The following TDO2 variants were observed in gnomAD, a reference collection of about 807,000 sequenced individuals.
TDO2 encodes the protein tryptophan 2,3-dioxygenase.
In TDO2, 63 loss-of-function variants were observed where a neutral mutation model predicts 61.2. The observed-to-expected ratio is 1.03, with a 90% confidence interval of 0.84 to 1.27. TDO2 has a LOEUF of 1.27. Among genes scored for constraint, TDO2 ranks in the 50% most tolerant of loss-of-function variants. The pLI is 0.00. For synonymous variants in TDO2, 183 were observed against 164.0 expected (o/e 1.12, Z -0.89); for missense variants, 494 against 469.5 (o/e 1.05, Z -0.48).
chr4:155,910,271 C>A, intron 6 of TDO2, 60 bp downstream of exon 6: 1 of 1,359,396 alleles, frequency 7.4e-7, no homozygotes, highest in Non-Finnish European at 9.9e-7. Flanking sequence ...TTAGCTTTTG[C>A]TAAATCAGAA....
Position 155,915,063 on chromosome 4 carries a change from T to C in TDO2, c.838+629T>C, listed in dbSNP as rs542986298. On this transcript the variant is annotated intron_variant, in intron 8 of 11. Coordinates refer to ENST00000536354, the MANE Select transcript of TDO2 (RefSeq NM_005651.4). ...TACAAATCTGCTTGACTGACCAAGA[T>C]ACCAGGAAAAGCATACATTTAGACT... Among the ~76,000 whole-genome samples the C allele has an allele frequency of 8.5e-5, 13 of 152,272 alleles. No homozygotes were observed. The South Asian group carries it at 2.7e-3, about 32-fold the overall frequency.
At position 155,911,586 on chromosome 4, in the gene TDO2, G is replaced by A. The variant is rs1271721219; in HGVS notation, c.708G>A (p.Glu236=). The A allele has an allele frequency of 6.4e-7, 1 of 1,559,450 alleles. No homozygotes were observed. The highest frequency in any genetic ancestry group is 8.7e-7 in the Non-Finnish European group (1 of 1,147,604). ...LEKNITRGLE[E]EFIRIQAKEE... ...AAAATATCACCAGAGGCCTGGAAGA[G>A]GAATTCATAAGGATTCAGGTATTTA... is the stretch of plus-strand genomic sequence containing the variant. The change falls in exon 7 of 12, where the codon GAG becomes GAA. Residue 236 remains glutamate (E), a synonymous_variant. Transcript: ENST00000536354.
In TDO2 at chr4:155,903,909, A is replaced by T. The variant is rs182121756; in HGVS notation, c.36-109A>T. The T allele has an allele frequency of 9.1e-4, 1,370 of 1,509,002 alleles. 9 individuals carry two copies. The African/African-American group carries it at 0.017, about 18-fold the overall frequency. 93.5% of individuals were successfully genotyped at this position (1,509,002 alleles called of 1,614,324 possible). A position where few individuals can be genotyped will look rare whatever the true frequency, so the allele number is the denominator to read the frequency against. ...ACTGTCACCTTTATTCCTTTGTCTA[A>T]CAATCTACTCTAAAGAAAATTTGCA... On this transcript the variant is annotated intron_variant, in intron 1 of 11. Transcript: ENST00000536354.
At chr4:155,917,077 T>C (rs1742954167) in intron 9 of TDO2, among the ~76,000 whole-genome samples, 1 of 152,266 alleles carries the variant, frequency 6.6e-6, no homozygotes, top group Admixed American at 6.5e-5. Context: ...TGTTTGATTA[T>C]TTTCGGCTGG....
chr4:155,910,473 A>G (rs1248824184), intron 6 of TDO2, among the ~76,000 whole-genome samples: 6 of 152,184 alleles, frequency 3.9e-5, no homozygotes, highest in African/African-American at 1.4e-4. Context: ...TCTCAATAAA[A>G]CAATTCCTTA....
At position 155,919,895 on chromosome 4, in the gene TDO2, C is replaced by A; in HGVS notation, c.1126C>A (p.His376Asn). Residue 376 changes from histidine to asparagine, a missense_variant, in exon 12 of 12, where the codon CAC becomes AAC. Coordinates refer to ENST00000536354, the MANE Select transcript of TDO2 (RefSeq NM_005651.4). ...FNLSTYLIPR[H>N]WIPKMNPTIH... is the part of the protein sequence containing the mutation. ...TCTTTCAACATACCTGATTCCCCGA[C>A]ACTGGATACCGAAGATGAACCCAAC... 1 of 1,613,636 alleles carries A rather than the reference C, an allele frequency of 6.2e-7. No homozygotes were observed. The highest frequency in any genetic ancestry group is 1.1e-5 in the South Asian group (1 of 91,068).
At chr4:155,919,684 A>T (rs1743008129) in intron 11 of TDO2, among the ~76,000 whole-genome samples, 153 bp from the exon 12 acceptor site, 1 of 152,112 alleles carries the variant, frequency 6.6e-6, no homozygotes, top group Admixed American at 6.5e-5. Context: ...ACTACATAAT[A>T]CCTAATTTAA....
At chr4:155,916,857 C>A (rs542751962) in intron 9 of TDO2, among the ~76,000 whole-genome samples, 1 of 152,134 alleles carries the variant, frequency 6.6e-6, no homozygotes, top group South Asian at 2.1e-4. Flanking sequence ...TAAACAAAAT[C>A]TTTTGACTTT....
At chr4:155,919,765 A>G in intron 11 of TDO2, 72 bp from the exon 12 acceptor site, 1 of 1,335,700 alleles carries the variant, frequency 7.5e-7, no homozygotes, top group Non-Finnish European at 1.0e-6. Flanking sequence ...TCTGAGAAAT[A>G]AATTTTCTAA....
Position 155,908,698 on chromosome 4 carries a change from T to A in TDO2, c.304-189T>A, listed in dbSNP as rs185854269. On this transcript the variant is annotated intron_variant, in intron 4 of 11. Coordinates refer to ENST00000536354, the MANE Select transcript of TDO2 (RefSeq NM_005651.4). ...TTTCTATTGTCAAAGAAAGAAAAAA[T>A]TTCTTATTTTGCAGAAATTCCTTGC... Among the ~76,000 whole-genome samples the A allele has an allele frequency of 2.6e-5, 4 of 152,274 alleles. No homozygotes were observed. The East Asian group carries it at 7.7e-4, about 29-fold the overall frequency.
chr4:155,911,409 T>A (rs1742826795), intron 6 of TDO2, 88 bp from the exon 7 acceptor site: 1 of 906,718 alleles, frequency 1.1e-6, no homozygotes, highest in African/African-American at 1.7e-5. Flanking sequence ...ACCATGAAGA[T>A]TTCTTGTTTT....
At chr4:155,912,239 C>A (rs1742847989) in intron 7 of TDO2, among the ~76,000 whole-genome samples, 1 of 152,264 alleles carries the variant, frequency 6.6e-6, no homozygotes, top group East Asian at 1.9e-4. Context: ...CCTCTCTTAG[C>A]CTATCTTTCA....
rs752803657 is a variant in TDO2 at position 155,904,040 on chromosome 4, G to A, written c.58G>A (p.Val20Ile). The A allele has an allele frequency of 1.5e-5, 25 of 1,613,680 alleles. No homozygotes were observed. Among genetic ancestry groups the A allele is most frequent in the East Asian group, 8.9e-5 (4 of 44,866 alleles). Residue 20 changes from valine (V) to isoleucine (I), a missense_variant, in exon 2 of 12, where the codon GTA becomes ATA. Val to Ile is a conservative substitution (Grantham distance 29). Coordinates refer to ENST00000536354, the MANE Select transcript of TDO2 (RefSeq NM_005651.4). ...NFGYTFKKLP[V>I]EGSEEDKSQT... ...CAGATATACTTTTAAAAAACTCCCCGTAGAAGGCAGCGAAGAAGACAAATC... is the reference window on the plus strand; with the variant it reads ...CAGATATACTTTTAAAAAACTCCCCATAGAAGGCAGCGAAGAAGACAAATC...
At chr4:155,918,874 C>G (rs1258397150) in intron 11 of TDO2, 1 of 152,208 alleles carries the variant, frequency 6.6e-6, no homozygotes, top group African/African-American at 2.4e-5. Flanking sequence ...AGAATCAATT[C>G]AAGAATAAAT....
Position 155,920,262 on chromosome 4 carries a change from T to C in TDO2, c.*272T>C. Reference sequence around the variant, plus strand: ...CCTGAGACTTAATGTAACCACTTAATGTAATCACTATCTCATTGTTTCATC... The same window carrying C: ...CCTGAGACTTAATGTAACCACTTAACGTAATCACTATCTCATTGTTTCATC... On this transcript the variant is annotated 3_prime_UTR_variant, in exon 12 of 12. Coordinates refer to ENST00000536354, the MANE Select transcript of TDO2 (RefSeq NM_005651.4). 2.6e-6 allele frequency: 1 copy of C among 390,228 alleles called. No homozygotes were observed. The highest frequency in any genetic ancestry group is 3.6e-5 in the South Asian group (1 of 28,096). The allele number at this position is 390,228 out of a possible 1,614,324, so 24.2% of individuals were successfully genotyped here.
intron 8 of TDO2, 140 bp downstream of exon 8, chr4:155,914,574 T>C: frequency 1.7e-6 from 1 of 604,158 alleles, no homozygotes; most frequent in Admixed American, 3.9e-5. Context: ...AAAAATGGAG[T>C]AAATGTTTTT....
Position 155,918,153 on chromosome 4 carries a change from C to A in TDO2, c.981C>A (p.Asn327Lys). The A allele has an allele frequency of 1.2e-6, 2 of 1,613,338 alleles. No individual in the cohort carries two copies. Among genetic ancestry groups the A allele is most frequent in the Non-Finnish European group, 1.7e-6 (2 of 1,179,682 alleles). ...IDSLMTKWRY[N>K]HVCMVHRMLG... Reference sequence around the variant, plus strand: ...TAAATTTGTATGTTTGCCTAGATAACCATGTGTGCATGGTGCACAGAATGC... The same window carrying A: ...TAAATTTGTATGTTTGCCTAGATAAACATGTGTGCATGGTGCACAGAATGC... Residue 327 changes from asparagine (N) to lysine (K), a missense_variant, in exon 11 of 12, where the codon AAC (asparagine) becomes AAA (lysine). Transcript: ENST00000536354.
chr4:155,919,724 T>C, intron 11 of TDO2, 113 bp from the exon 12 acceptor site: 7 of 842,516 alleles, frequency 8.3e-6, no homozygotes, highest in Non-Finnish European at 1.3e-5. Context: ...GCAATATATA[T>C]TATAATATTG....
At chr4:155,911,648 T>C in intron 7 of TDO2, 44 bp downstream of exon 7, 1 of 1,283,388 alleles carries the variant, frequency 7.8e-7, no homozygotes, top group Non-Finnish European at 1.1e-6. Flanking sequence ...TACAGAAATA[T>C]TCAAAATTTT....
Sources: gnomAD v4.1 joint callset for allele counts (sites outside exome capture counted in the v4.1 genomes callset) on GRCh38, gnomAD v4.1.1 for gene constraint, MANE v1.5 for transcripts, NCBI Gene and HGNC (gene_info 2026-07-23, HGNC 2026-07-21) for gene names.